Variants in SLC5A10 observed in about 807,000 individuals in gnomAD.
SLC5A10 encodes sodium/mannose cotransporter SLC5A10.
A neutral mutation model predicts 68.9 loss-of-function variants in SLC5A10; 55 were observed. The ratio of observed to expected loss-of-function variants is 0.80; its 90% confidence interval spans 0.64 to 1.00. SLC5A10 has a LOEUF of 1.00. Among genes scored for constraint, SLC5A10 ranks in the 50% least tolerant of loss-of-function variants. SLC5A10 has a pLI of 0.00. For missense variants in SLC5A10, 732 were observed against 819.3 expected, an observed-to-expected ratio of 0.89 and a Z score of 1.30; for synonymous variants, 344 against 344.8, an observed-to-expected ratio of 1.00 and a Z score of 0.02.
intron 9 of SLC5A10, among the ~76,000 whole-genome samples, chr17:18,990,535 G>A (rs972765711): frequency 3.9e-5 from 6 of 152,220 alleles, no homozygotes; most frequent in Non-Finnish European, 8.8e-5. Flanking sequence ...TGGCAGATGG[G>A]GACTTGCCCT....
chr17:18,972,942 C>T (rs779771884), intron 8 of SLC5A10, among the ~76,000 whole-genome samples: 1 of 152,164 alleles, frequency 6.6e-6, no homozygotes, highest in African/African-American at 2.4e-5. Flanking sequence ...TCAGTTTCCC[C>T]ATCTGTAACA....
chr17:18,977,158 G>A, intron 9 of SLC5A10, 169 bp downstream of exon 9: 2 of 909,236 alleles, frequency 2.2e-6, no homozygotes, highest in Non-Finnish European at 3.3e-6. Flanking sequence ...GATTAACATG[G>A]ATGTGGCTTG....
intron 9 of SLC5A10, among the ~76,000 whole-genome samples, chr17:18,997,654 G>A (rs1211408862): frequency 6.6e-6 from 1 of 152,222 alleles, no homozygotes; most frequent in Non-Finnish European, 1.5e-5. Flanking sequence ...CACCAGGGCA[G>A]GGCTGAGGCT....
In SLC5A10 at chr17:19,017,441, C is replaced by T; in HGVS notation, c.1242-1982C>T. On this transcript the variant is annotated intron_variant, in intron 11 of 14. Coordinates refer to ENST00000395645, the MANE Select transcript of SLC5A10 (RefSeq NM_001042450.4). The surrounding 1 kb of genome is among the most constrained non-coding windows in gnomAD (Gnocchi z 5.6). ...CAGTCTCTGTCAGGGAGAGGCGAGGCTTACAGAGAGAAGACCAACAGCCCA... is the reference window on the plus strand; with the variant it reads ...CAGTCTCTGTCAGGGAGAGGCGAGGTTTACAGAGAGAAGACCAACAGCCCA... 6.6e-7 allele frequency: 1 copy of T among 1,522,430 alleles called. No homozygotes were observed. Among genetic ancestry groups the T allele is most frequent in the Non-Finnish European group, 8.9e-7 (1 of 1,120,566 alleles). The allele number at this position is 1,522,430 out of a possible 1,614,324, so 94.3% of individuals were successfully genotyped here. A position where few individuals can be genotyped will look rare whatever the true frequency, so the allele number is the denominator to read the frequency against.
At position 18,976,802 on chromosome 17, in the gene SLC5A10, A is replaced by G. The variant is rs1464296371; in HGVS notation, c.847-52A>G. 6.9e-6 allele frequency: 11 copies of G among 1,601,550 alleles called. No homozygotes were observed. In the African/African-American group the frequency reaches 8.0e-5, roughly 12 times the overall value. ...TGAGGCCCACCAAGGACCAATCCTG[A>G]CACAAGTGTCCCTCAGGCTTGGACT... is the stretch of plus-strand genomic sequence containing the variant. On this transcript the variant is annotated intron_variant, in intron 8 of 14. Transcript: ENST00000395645.
chr17:19,015,214 G>A lies in SLC5A10; in HGVS notation c.1241+15G>A. On this transcript the variant is annotated intron_variant, in intron 11 of 14. Transcript: ENST00000395645. ...CTGGTGGGACGGTACGGGGGTGGGG[G>A]CCAGTACGGGGGTGGGGGAACACTA... The A allele has an allele frequency of 1.6e-5, 6 of 386,308 alleles. No homozygotes were observed. Among genetic ancestry groups the A allele is most frequent in the Non-Finnish European group, 3.4e-5 (6 of 177,066 alleles). The allele number at this position is 386,308 out of a possible 1,614,324, so 23.9% of individuals were successfully genotyped here.
intron 8 of SLC5A10, among the ~76,000 whole-genome samples, chr17:18,972,523 G>A (rs1000459233): frequency 2.0e-5 from 3 of 152,162 alleles, no homozygotes; most frequent in African/African-American, 4.8e-5. Flanking sequence ...AAGCAGCACG[G>A]GCTCCATCAG....
intron 7 of SLC5A10, chr17:18,970,695 C>A: frequency 2.7e-6 from 1 of 369,964 alleles, no homozygotes; most frequent in South Asian, 3.9e-5. Flanking sequence ...TGGCTGAGAA[C>A]CACTTGCCCA....
Position 18,958,732 on chromosome 17 carries a change from C to A in SLC5A10, c.162C>A (p.Gly54=), listed in dbSNP as rs1252602546. The change falls in exon 2 of 15, where the codon GGC becomes GGA. Residue 54 remains glycine, a synonymous_variant. Transcript: ENST00000395645. ...CGGTGAATGGCTACTTCCTGGCAGG[C>A]CGGGACATGACGTGGTGGCCGGTGA... The part of the protein sequence containing the change: ...RNTVNGYFLA[G]RDMTWWPIGA... 7 of 1,614,078 alleles carry A rather than the reference C, an allele frequency of 4.3e-6. No homozygotes were observed. Among genetic ancestry groups the A allele is most frequent in the Non-Finnish European group, 5.9e-6 (7 of 1,180,040 alleles).
intron 8 of SLC5A10, among the ~76,000 whole-genome samples, chr17:18,975,494 A>G (rs909818314): frequency 1.3e-5 from 2 of 151,986 alleles, no homozygotes; most frequent in Non-Finnish European, 2.9e-5. Context: ...GTTCAAGACC[A>G]GCCTGACCAA....
At position 18,977,736 on chromosome 17, in the gene SLC5A10, G is replaced by A. The variant is rs367677167; in HGVS notation, c.982+747G>A. The A allele has an allele frequency of 5.0e-6, 8 of 1,607,770 alleles. No homozygotes were observed. In the African/African-American group the frequency reaches 8.0e-5, roughly 16 times the overall value. On this transcript the variant is annotated intron_variant, in intron 9 of 14. Transcript: ENST00000395645. Reference sequence around the variant, plus strand: ...GGGGCACTCAGCTGCCGGCGCGGTGGTGGGGTTGGCCCGTTGGCCACTTGC... The same window carrying A: ...GGGGCACTCAGCTGCCGGCGCGGTGATGGGGTTGGCCCGTTGGCCACTTGC...
Position 18,960,666 on chromosome 17 carries a change from G to C in SLC5A10, c.453+14G>C, listed in dbSNP as rs2074274. ...ACCAAGATATCGGTGAGCTGCCCCC[G>C]GCTCCCTGCTGGCATAGCCTGGAAA... On this transcript the variant is annotated intron_variant, in intron 5 of 14. Transcript: ENST00000395645. 116,880 of 1,611,210 alleles carry C rather than the reference G, an allele frequency of 0.073. 13,768 individuals carry two copies. Among genetic ancestry groups the C allele is most frequent in the African/African-American group, 0.47 (35,314 of 74,886 alleles).
At chr17:18,962,434 C>T (rs970102393) in intron 5 of SLC5A10, among the ~76,000 whole-genome samples, 4 of 152,100 alleles carry the variant, frequency 2.6e-5, no homozygotes, top group African/African-American at 4.8e-5. Context: ...TAAAGAACAG[C>T]GTGGAGAGAA....
intron 7 of SLC5A10, 113 bp downstream of exon 7, chr17:18,969,535 G>T (rs1031911852): frequency 9.8e-6 from 10 of 1,017,436 alleles, no homozygotes; most frequent in Non-Finnish European, 1.3e-5. Context: ...GGGTAGCATC[G>T]CTGGGAGTGG....
intron 5 of SLC5A10, among the ~76,000 whole-genome samples, chr17:18,963,651 TC>T (rs1220801737): frequency 2.0e-5 from 3 of 152,346 alleles, no homozygotes; most frequent in African/African-American, 7.2e-5. Flanking sequence ...TGTCTGCGCA[TC>T]CAGCACCCGT....
intron 11 of SLC5A10, chr17:19,019,193 C>T (rs2044203915): frequency 1.8e-6 from 1 of 557,486 alleles, no homozygotes; most frequent in Non-Finnish European, 3.1e-6. Context: ...AAGGAGCAGA[C>T]AGCACTTAGA....
intron 9 of SLC5A10, among the ~76,000 whole-genome samples, chr17:18,999,051 G>A (rs1378512053): frequency 1.3e-5 from 2 of 152,204 alleles, no homozygotes; most frequent in Non-Finnish European, 2.9e-5. Flanking sequence ...AGGCAGAGGC[G>A]GGTGGATCAC....
chr17:18,975,270 T>A (rs937924704), intron 8 of SLC5A10, among the ~76,000 whole-genome samples: 5 of 152,192 alleles, frequency 3.3e-5, no homozygotes, highest in Non-Finnish European at 7.3e-5. Context: ...CAGCTTGCCC[T>A]GCGTTCGGAG....
At chr17:18,993,534 C>T (rs529547862) in intron 9 of SLC5A10, among the ~76,000 whole-genome samples, 29 of 152,244 alleles carry the variant, frequency 1.9e-4, no homozygotes, top group Admixed American at 1.3e-3. Flanking sequence ...AGGAGAGAGG[C>T]GGCCATATTC....
Sources: allele counts gnomAD v4.1 joint callset (sites outside exome capture counted in the v4.1 genomes callset), GRCh38; gene constraint gnomAD v4.1.1; non-coding constraint Gnocchi (gnomAD v3.1); transcripts MANE v1.5; gene names NCBI Gene and HGNC (gene_info 2026-07-23, HGNC 2026-07-21).